Variants in ITPR3 observed in about 807,000 individuals in gnomAD.
ITPR3 encodes inositol 1,4,5-trisphosphate receptor type 3.
ITPR3 carries 173 observed loss-of-function variants against 293.2 expected under a neutral mutation model. The observed-to-expected ratio is 0.59, with a 90% CI of 0.52 to 0.67. ITPR3 has a LOEUF of 0.67. ITPR3 is among the 30% of genes least tolerant of loss of function. The pLI, the probability that ITPR3 is intolerant of heterozygous loss-of-function variation, is 0.00. For synonymous variants in ITPR3, 1,295 were observed against 1,444.4 expected (o/e 0.90, Z 2.35); for missense variants, 2,796 against 3,592.1 (o/e 0.78, Z 5.66).
In ITPR3 at chr6:33,667,881, C is replaced by T; in HGVS notation, c.1803C>T (p.Asn601=). 2 of 1,614,220 alleles carry T rather than the reference C, an allele frequency of 1.2e-6. No individual in the cohort carries two copies. Among genetic ancestry groups the T allele is most frequent in the Non-Finnish European group, 1.7e-6 (2 of 1,180,028 alleles). Reference sequence around the variant, plus strand: ...ACACCATCACTGCCCTGCTGCACAACAACCGCAAGCTCCTGGAAAAGCACA... The same window carrying T: ...ACACCATCACTGCCCTGCTGCACAATAACCGCAAGCTCCTGGAAAAGCACA... ...AEDTITALLH[N]NRKLLEKHIT... Residue 601 remains asparagine, a synonymous_variant, in exon 16 of 58, where the codon AAC becomes AAT. Coordinates refer to ENST00000605930, the MANE Select transcript of ITPR3 (RefSeq NM_002224.4). This position sits in a 1 kb window ranked among gnomAD's most constrained non-coding sequence, Gnocchi z 4.4.
Position 33,689,236 on chromosome 6 carries a change from A to G in ITPR3, c.6695-2A>G. The G allele has an allele frequency of 6.2e-7, 1 of 1,608,454 alleles. No individual in the cohort carries two copies. Among genetic ancestry groups the G allele is most frequent in the Non-Finnish European group, 8.5e-7 (1 of 1,179,840 alleles). The stretch of plus-strand genomic sequence containing the variant: ...CCTGCTCACCCTGCCCCTGGCCCCC[A>G]GGCGTGCTGGACTCCCCTCTCATCT... On this transcript the variant is annotated splice_acceptor_variant, in intron 49 of 57. Coordinates refer to ENST00000605930, the MANE Select transcript of ITPR3 (RefSeq NM_002224.4). LOFTEE classifies it high-confidence loss of function.
chr6:33,664,861 C>T lies in ITPR3; in HGVS notation c.1149-9C>T, dbSNP rs772646094. The T allele has an allele frequency of 3.1e-6, 5 of 1,612,880 alleles. No homozygotes were observed. In the South Asian group the frequency reaches 3.3e-5, roughly 11 times the overall value. On this transcript the variant is annotated splice_polypyrimidine_tract_variant and intron_variant, in intron 11 of 57. Transcript: ENST00000605930. The surrounding 1 kb of genome is among the most constrained non-coding windows in gnomAD (Gnocchi z 4.4). ...CTCCCCGAGTCCTTTCCCTCCCACC[C>T]ACCTGCAGGAACTCGTACGTCCGGC...
rs998411882 is a variant in ITPR3, at chr6:33,655,985, G to A, written c.282+98G>A. ...TTGTCGGAGCCAGTAGGGGCTCTGT[G>A]GCTGAGCTGAGTGGTTTCTAAAACT... On this transcript the variant is annotated intron_variant, in intron 3 of 57. Coordinates refer to ENST00000605930, the MANE Select transcript of ITPR3 (RefSeq NM_002224.4). This position sits in a 1 kb window ranked among gnomAD's most constrained non-coding sequence, Gnocchi z 4.9. The A allele has an allele frequency of 1.3e-6, 2 of 1,503,218 alleles. No individual in the cohort carries two copies. The highest frequency in any genetic ancestry group is 1.2e-5 in the South Asian group (1 of 84,340). 93.1% of individuals were successfully genotyped at this position (1,503,218 alleles called of 1,614,324 possible). A position where few individuals can be genotyped will look rare whatever the true frequency, so the allele number is the denominator to read the frequency against.
At chr6:33,690,619 T>C (rs1296423656) in intron 51 of ITPR3, among the ~76,000 whole-genome samples, 1 of 152,224 alleles carries the variant, frequency 6.6e-6, no homozygotes, top group Non-Finnish European at 1.5e-5. Context: ...GCACTTACAC[T>C]GTTTCCTGGC....
rs73408284 is a variant in ITPR3, at chr6:33,686,414, C to T, written c.5874C>T (p.Cys1958=). ...CCCCCACTGCCTCCTGCCAGACTTG[C>T]ATTGTGACTCACGAGTCCAATGGCA... The part of the protein sequence containing the change: ...CQGPCHENQT[C]IVTHESNGID... The change falls in exon 43 of 58, where the codon TGC becomes TGT. Residue 1958 remains cysteine, a synonymous_variant. Transcript: ENST00000605930. 3,521 of 1,613,842 alleles carry T rather than the reference C, an allele frequency of 2.2e-3. 53 individuals carry two copies. In the African/African-American group the frequency reaches 0.037, roughly 17 times the overall value.
intron 25 of ITPR3, 87 bp from the exon 26 acceptor site, chr6:33,676,681 A>T: frequency 6.7e-7 from 1 of 1,500,926 alleles, no homozygotes; most frequent in Non-Finnish European, 9.1e-7. Context: ...CAGGAGGGGA[A>T]CCCTAGAGTA....
rs965484150 is a variant in ITPR3 at position 33,683,195 on chromosome 6, C to T, written c.4598-12C>T. ...GCACCAGCACTCCAGCACTCCCTCCCTTCCCACCCAGCCAAGGGCCGGGCC... is the reference window on the plus strand; with the variant it reads ...GCACCAGCACTCCAGCACTCCCTCCTTTCCCACCCAGCCAAGGGCCGGGCC... On this transcript the variant is annotated splice_polypyrimidine_tract_variant and intron_variant, in intron 34 of 57. Coordinates refer to ENST00000605930, the MANE Select transcript of ITPR3 (RefSeq NM_002224.4). This position sits in a 1 kb window ranked among gnomAD's most constrained non-coding sequence, Gnocchi z 4.5. The T allele has an allele frequency of 6.6e-7, 1 of 1,506,374 alleles. No individual in the cohort carries two copies. Among genetic ancestry groups the T allele is most frequent in the African/African-American group, 1.4e-5 (1 of 72,500 alleles). The allele number at this position is 1,506,374 out of a possible 1,614,324, so 93.3% of individuals were successfully genotyped here.
chr6:33,646,243 C>T (rs1357707285), intron 2 of ITPR3, among the ~76,000 whole-genome samples: 2 of 152,098 alleles, frequency 1.3e-5, no homozygotes, highest in African/African-American at 4.8e-5. Flanking sequence ...CCTCACTCAA[C>T]CTCCTTTCCC....
In ITPR3 at chr6:33,663,834, G is replaced by C; in HGVS notation, c.1102G>C (p.Glu368Gln). The C allele has an allele frequency of 6.2e-7, 1 of 1,614,104 alleles. No homozygotes were observed. Among genetic ancestry groups the C allele is most frequent in the Non-Finnish European group, 8.5e-7 (1 of 1,179,996 alleles). Residue 368 changes from glutamate (E) to glutamine (Q), a missense_variant, in exon 11 of 58, where the codon GAG becomes CAG. Physicochemically the swap from Glu to Gln is conservative, Grantham distance 29. Coordinates refer to ENST00000605930, the MANE Select transcript of ITPR3 (RefSeq NM_002224.4). ...TGGCAATGACATCGCCTCTCTCTTT[G>C]AGCTGGACCCCACCACCTTGCAGAA... Reference protein sequence around the residue: ...PHGNDIASLFELDPTTLQKTD... With the variant: ...PHGNDIASLFQLDPTTLQKTD...
At chr6:33,680,181 G>A in intron 31 of ITPR3, 48 bp downstream of exon 31, 1 of 1,599,160 alleles carries the variant, frequency 6.3e-7, no homozygotes, top group Non-Finnish European at 8.5e-7. Flanking sequence ...GGGCGAAGGG[G>A]TGGGTAAAGC....
chr6:33,676,942 G>T lies in ITPR3; in HGVS notation c.3447+10G>T. On this transcript the variant is annotated intron_variant, in intron 26 of 57. Coordinates refer to ENST00000605930, the MANE Select transcript of ITPR3 (RefSeq NM_002224.4). The stretch of plus-strand genomic sequence containing the variant: ...CAAGGACAAGAAAGAGGTAAGTGGG[G>T]CTCCAGGGGGCCAGGGCAGGCCTCC... 1 of 1,614,064 alleles carries T rather than the reference G, an allele frequency of 6.2e-7. No homozygotes were observed. The highest frequency in any genetic ancestry group is 1.1e-5 in the South Asian group (1 of 91,080).
Position 33,633,397 on chromosome 6 carries a change from G to A in ITPR3, c.90-7087G>A, listed in dbSNP as rs998149135. On this transcript the variant is annotated intron_variant, in intron 1 of 57. Transcript: ENST00000605930. This position sits in a 1 kb window ranked among gnomAD's most constrained non-coding sequence, Gnocchi z 5.2. Reference sequence around the variant, plus strand: ...AGCGCGGCTCTGGTTTCAGCGCCCGGTGCGCACTCAGCAGGGCACCTGTGG... The same window carrying A: ...AGCGCGGCTCTGGTTTCAGCGCCCGATGCGCACTCAGCAGGGCACCTGTGG... Among the ~76,000 whole-genome samples the A allele has an allele frequency of 6.6e-6, 1 of 152,212 alleles. No homozygotes were observed. Among genetic ancestry groups the A allele is most frequent in the Non-Finnish European group, 1.5e-5 (1 of 68,032 alleles).
chr6:33,663,813 A>G lies in ITPR3; in HGVS notation c.1081A>G (p.Asn361Asp). Residue 361 changes from asparagine to aspartate, a missense_variant, in exon 11 of 58, where the codon AAT (asparagine) becomes GAT (aspartate). Coordinates refer to ENST00000605930, the MANE Select transcript of ITPR3 (RefSeq NM_002224.4). ...CTGCCTGGTGGCTGTGCCTCATGGC[A>G]ATGACATCGCCTCTCTCTTTGAGCT... ...KYCLVAVPHG[N>D]DIASLFELDP... The G allele has an allele frequency of 6.2e-7, 1 of 1,614,144 alleles. No individual in the cohort carries two copies. The highest frequency in any genetic ancestry group is 1.1e-5 in the South Asian group (1 of 91,084).
At position 33,667,086 on chromosome 6, in the gene ITPR3, A is replaced by AC. The variant is rs761563552; in HGVS notation, c.1552-42dup. On this transcript the variant is annotated intron_variant, in intron 14 of 57. Transcript: ENST00000605930. This position sits in a 1 kb window ranked among gnomAD's most constrained non-coding sequence, Gnocchi z 4.4. ...CTCCTGGGATGACTTAGGGGTACAGACAGGTGTTGGGGAATCAGTCCTCAC... is the reference window on the plus strand; with the variant it reads ...CTCCTGGGATGACTTAGGGGTACAGACCAGGTGTTGGGGAATCAGTCCTCAC... The AC allele has an allele frequency of 2.5e-6, 4 of 1,600,928 alleles. No homozygotes were observed. The highest frequency in any genetic ancestry group is 3.4e-6 in the Non-Finnish European group (4 of 1,171,900).
chr6:33,673,686 G>C lies in ITPR3; in HGVS notation c.3024G>C (p.Gly1008=), dbSNP rs1764830409. Residue 1008 remains glycine, a synonymous_variant, in exon 23 of 58, where the codon GGG becomes GGC. Coordinates refer to ENST00000605930, the MANE Select transcript of ITPR3 (RefSeq NM_002224.4). ...AGGTGTTTCCCATGCAGGACAGTGG[G>C]GCTGATGGCACAGCCCCTGCCTTCG... ...FVEVFPMQDS[G]ADGTAPAFDS... The C allele has an allele frequency of 2.5e-6, 4 of 1,614,094 alleles. No homozygotes were observed. Among genetic ancestry groups the C allele is most frequent in the Admixed American group, 3.3e-5 (2 of 60,008 alleles).
chr6:33,645,163 G>A (rs774407239), intron 2 of ITPR3, among the ~76,000 whole-genome samples: 9 of 151,520 alleles, frequency 5.9e-5, no homozygotes, highest in Non-Finnish European at 7.4e-5. Context: ...TGAAACCCCC[G>A]TCTCTACTAA....
Position 33,672,212 on chromosome 6 carries a change from TC to T in ITPR3, c.2914del (p.Leu972TrpfsTer52). ...DIVVMETKLK[I>X]LEILQFILNV... Reference sequence around the variant, plus strand: ...GTGGTGATGGAGACCAAGCTGAAGATCCTGGAAATCCTTCAGGTGCCTGGGC... The same window carrying T: ...GTGGTGATGGAGACCAAGCTGAAGATCTGGAAATCCTTCAGGTGCCTGGGC... On this transcript the variant is annotated frameshift_variant, in exon 22 of 58. Transcript: ENST00000605930. LOFTEE classifies it high-confidence loss of function. The surrounding 1 kb of genome is among the most constrained non-coding windows in gnomAD (Gnocchi z 5.0). 1 of 1,602,532 alleles carries T rather than the reference TC, an allele frequency of 6.2e-7. No homozygotes were observed. Among genetic ancestry groups the T allele is most frequent in the Non-Finnish European group, 8.5e-7 (1 of 1,174,544 alleles).
chr6:33,680,031 C>T lies in ITPR3; in HGVS notation c.4122C>T (p.Ala1374=), dbSNP rs975371239. 2 of 1,613,778 alleles carry T rather than the reference C, an allele frequency of 1.2e-6. No homozygotes were observed. The highest frequency in any genetic ancestry group is 1.7e-6 in the Non-Finnish European group (2 of 1,180,042). ...TTTCCCTGGTGGACCTGCTGGCCGC[C>T]TGTGCCGAGGGCAAAAACGTCTACA... ...YHISLVDLLA[A]CAEGKNVYTE... Residue 1374 remains alanine, a synonymous_variant, in exon 31 of 58, where the codon GCC becomes GCT. Transcript: ENST00000605930.
Position 33,658,649 on chromosome 6 carries a change from C to T in ITPR3, c.370-21C>T, listed in dbSNP as rs756568696. 1.7e-5 allele frequency: 28 copies of T among 1,612,524 alleles called. No homozygotes were observed. The Middle Eastern group carries it at 1.3e-3, about 76-fold the overall frequency. ...GACTCCTGTGGCGCGGTGACCTTCC[C>T]GCACCCCACCTGACCCCCAGCTCCT... On this transcript the variant is annotated intron_variant, in intron 4 of 57. Coordinates refer to ENST00000605930, the MANE Select transcript of ITPR3 (RefSeq NM_002224.4). The surrounding 1 kb of genome is among the most constrained non-coding windows in gnomAD (Gnocchi z 6.1).
Sources: allele counts gnomAD v4.1 joint callset (sites outside exome capture counted in the v4.1 genomes callset), GRCh38; gene constraint gnomAD v4.1.1; non-coding constraint Gnocchi (gnomAD v3.1); transcripts MANE v1.5; gene names NCBI Gene and HGNC (gene_info 2026-07-23, HGNC 2026-07-21).